Variants in NTRK2 observed in about 807,000 individuals in gnomAD.
The protein encoded by NTRK2 is BDNF/NT-3 growth factors receptor.
A neutral mutation model predicts 94.5 loss-of-function variants in NTRK2; 13 were observed. The ratio of observed to expected loss-of-function variants is 0.14; its 90% CI spans 0.09 to 0.22. NTRK2 has a LOEUF of 0.22. Among genes scored for constraint, NTRK2 ranks in the 10% least tolerant of loss-of-function variants. NTRK2 has a pLI of 1.00. For missense variants in NTRK2, 639 were observed against 1,071.2 expected (o/e 0.60, Z 5.63); for synonymous variants, 372 against 407.4 (o/e 0.91, Z 1.05).
intron 14 of NTRK2, 29 bp downstream of exon 14, chr9:84,867,460 C>A (rs753413338): frequency 6.4e-7 from 1 of 1,573,960 alleles, no homozygotes; most frequent in South Asian, 1.1e-5. Flanking sequence ...ACTTATTGTC[C>A]CATTTGCTGC....
rs961133669 is a variant in NTRK2, at chr9:85,023,187, A to G, written c.*1750A>G. 1 of 232,954 alleles carries G rather than the reference A, an allele frequency of 4.3e-6. No individual in the cohort carries two copies. Among genetic ancestry groups the G allele is most frequent in the Non-Finnish European group, 8.5e-6 (1 of 117,924 alleles). The allele number at this position is 232,954 out of a possible 1,614,324, so 14.4% of individuals were successfully genotyped here. On this transcript the variant is annotated 3_prime_UTR_variant, in exon 19 of 19. Coordinates refer to ENST00000277120, the MANE Select transcript of NTRK2 (RefSeq NM_006180.6). ...AATTTACAGCTATTTGAATGGTCAG[A>G]TATACCAAGAAAGAAAAATATTTCT...
chr9:84,874,404 C>G (rs2075990634), intron 14 of NTRK2: 1 of 1,065,356 alleles, frequency 9.4e-7, no homozygotes, highest in Admixed American at 5.3e-5. Context: ...TCTGTCTTTA[C>G]TAATTCTGCC....
At chr9:84,731,631 A>G (rs1174680380) in intron 9 of NTRK2, among the ~76,000 whole-genome samples, 1 of 152,088 alleles carries the variant, frequency 6.6e-6, no homozygotes, top group Non-Finnish European at 1.5e-5. Flanking sequence ...CAGTCCTCAT[A>G]ACCTTTACTT....
chr9:85,006,302 T>C (rs910369170), intron 17 of NTRK2, among the ~76,000 whole-genome samples: 2 of 152,050 alleles, frequency 1.3e-5, no homozygotes, highest in African/African-American at 4.8e-5. Flanking sequence ...GTGGTAGGGG[T>C]GGGAGTGAGC....
intron 6 of NTRK2, among the ~76,000 whole-genome samples, chr9:84,717,042 G>C (rs772187518): frequency 1.3e-4 from 20 of 152,228 alleles, no homozygotes; most frequent in South Asian, 6.2e-4. Flanking sequence ...AGAGGGGAAG[G>C]TTATAGGGTT....
intron 15 of NTRK2, among the ~76,000 whole-genome samples, chr9:84,943,172 C>T (rs923211458): frequency 2.6e-5 from 4 of 152,094 alleles, no homozygotes; most frequent in African/African-American, 9.7e-5. Context: ...AAAAAGAACA[C>T]AACCTCTATT....
intron 14 of NTRK2, chr9:84,871,853 C>T (rs1312311003): frequency 6.2e-7 from 1 of 1,613,448 alleles, no homozygotes; most frequent in South Asian, 1.1e-5. Context: ...TGTGTCACTG[C>T]AGGAACTAAA....
At chr9:84,741,000 CT>C (rs1444831256) in intron 9 of NTRK2, among the ~76,000 whole-genome samples, 2 of 152,188 alleles carry the variant, frequency 1.3e-5, no homozygotes, top group Non-Finnish European at 2.9e-5. Flanking sequence ...TAGGAAATAG[CT>C]TTGGAAATTC....
At chr9:84,673,436 C>T (rs1189112033) in intron 2 of NTRK2, among the ~76,000 whole-genome samples, 2 of 152,064 alleles carry the variant, frequency 1.3e-5, no homozygotes, top group African/African-American at 2.4e-5. Flanking sequence ...CCTAAAATAA[C>T]CTGTTGTAAA....
At chr9:84,777,152 G>A (rs1185906606) in intron 12 of NTRK2, among the ~76,000 whole-genome samples, 4 of 152,178 alleles carry the variant, frequency 2.6e-5, no homozygotes, top group African/African-American at 9.7e-5. Context: ...CAGGAAAAGA[G>A]AAGTTATAGA....
At chr9:84,725,499 G>T (rs2062380891) in intron 8 of NTRK2, among the ~76,000 whole-genome samples, 1 of 152,036 alleles carries the variant, frequency 6.6e-6, no homozygotes, top group Non-Finnish European at 1.5e-5. Flanking sequence ...TGGGTGTGGG[G>T]ACCTGGGCTG....
chr9:84,887,433 C>G (rs895714618), intron 14 of NTRK2, among the ~76,000 whole-genome samples: 1 of 152,212 alleles, frequency 6.6e-6, no homozygotes, highest in Non-Finnish European at 1.5e-5. Context: ...CTCCTAGTGA[C>G]TAGCAAGAAA....
chr9:84,710,853 G>A (rs569833530), intron 6 of NTRK2, 62 bp downstream of exon 6: 29 of 1,554,206 alleles, frequency 1.9e-5, no homozygotes, highest in Middle Eastern at 1.7e-4. Context: ...GCCTTGGTGC[G>A]GTAGTCTGGG....
intron 9 of NTRK2, among the ~76,000 whole-genome samples, chr9:84,729,005 T>A (rs2062654220): frequency 6.6e-6 from 1 of 152,182 alleles, no homozygotes; most frequent in Non-Finnish European, 1.5e-5. Flanking sequence ...TCAGTCAAAG[T>A]CATGCAAAGA....
At chr9:84,846,366 T>C (rs1167413197) in intron 12 of NTRK2, among the ~76,000 whole-genome samples, 1 of 152,240 alleles carries the variant, frequency 6.6e-6, no homozygotes, top group Non-Finnish European at 1.5e-5. Context: ...AAAAGCTATA[T>C]TTCTAAATCA....
intron 2 of NTRK2, among the ~76,000 whole-genome samples, chr9:84,694,854 T>C (rs1346235111): frequency 1.3e-5 from 2 of 151,794 alleles, no homozygotes; most frequent in Admixed American, 6.6e-5. Flanking sequence ...CTGGAGATGA[T>C]AGATTGATTG....
chr9:84,909,235 G>A (rs543502720), intron 14 of NTRK2, among the ~76,000 whole-genome samples: 56 of 152,248 alleles, frequency 3.7e-4, no homozygotes, highest in Non-Finnish European at 7.4e-4. Flanking sequence ...CTATCAAGGT[G>A]GTTGTGTGTA....
chr9:84,853,475 A>G (rs1335938573), intron 12 of NTRK2, among the ~76,000 whole-genome samples: 3 of 152,234 alleles, frequency 2.0e-5, no homozygotes, highest in Non-Finnish European at 4.4e-5. Context: ...GAGAGCCACA[A>G]ATCAGGAGAG....
intron 9 of NTRK2, among the ~76,000 whole-genome samples, chr9:84,730,188 T>G (rs1390448889): frequency 2.0e-5 from 3 of 152,254 alleles, no homozygotes; most frequent in Non-Finnish European, 4.4e-5. Context: ...CCCGTTTTTT[T>G]GTTCTCTTTA....
Sources: gnomAD v4.1 joint callset for allele counts (sites outside exome capture counted in the v4.1 genomes callset) on GRCh38, gnomAD v4.1.1 for gene constraint, MANE v1.5 for transcripts, NCBI Gene and HGNC (gene_info 2026-07-23, HGNC 2026-07-21) for gene names.